Variants in CHD6 observed in about 807,000 individuals in gnomAD.
CHD6 encodes chromodomain helicase DNA binding protein 6.
In CHD6, 50 loss-of-function variants were observed where a neutral mutation model predicts 276.9. The observed-to-expected ratio is 0.18, with a 90% CI of 0.14 to 0.23. The LOEUF is 0.23. CHD6 is among the 10% of genes least tolerant of loss of function. The pLI is 1.00. For synonymous variants in CHD6, 1,173 were observed against 1,229.3 expected (o/e 0.95, Z 0.96); for missense variants, 2,564 against 3,365.8 (o/e 0.76, Z 5.89).
chr20:41,567,916 A>G (rs1319223605), intron 1 of CHD6, among the ~76,000 whole-genome samples: 1 of 152,188 alleles, frequency 6.6e-6, no homozygotes, highest in Non-Finnish European at 1.5e-5. Flanking sequence ...AACTACACAG[A>G]TGTCTACAGC....
chr20:41,461,834 C>T (rs573302933), intron 17 of CHD6: 1 of 152,642 alleles, frequency 6.6e-6, no homozygotes, highest in South Asian at 2.1e-4. Context: ...AGCTGGCAGG[C>T]AAGAGCTTAT....
chr20:41,597,206 G>T (rs2045726942), intron 1 of CHD6, among the ~76,000 whole-genome samples: 1 of 152,004 alleles, frequency 6.6e-6, no homozygotes, highest in Non-Finnish European at 1.5e-5. Flanking sequence ...GGGAGGTCAG[G>T]GATTCTGTTT....
Position 41,441,597 on chromosome 20 carries a change from G to A in CHD6, c.3878-1468C>T, listed in dbSNP as rs555326229. 4.6e-5 allele frequency among the ~76,000 whole-genome samples: 7 copies of A among 152,264 alleles called. No homozygotes were observed. The South Asian group carries it at 8.3e-4, about 18-fold the overall frequency. On this transcript the variant is annotated intron_variant, in intron 25 of 36. Transcript: ENST00000373233. Reference sequence around the variant, plus strand: ...TGTGCTCAGGCATGGAGCAAGCTGCGACCCTCCCTGACCTGGGCAAGCTTC... The same window carrying A: ...TGTGCTCAGGCATGGAGCAAGCTGCAACCCTCCCTGACCTGGGCAAGCTTC...
chr20:41,433,560 C>A (rs2047610480), intron 27 of CHD6, among the ~76,000 whole-genome samples: 2 of 151,982 alleles, frequency 1.3e-5, no homozygotes, highest in Admixed American at 1.3e-4. Flanking sequence ...TGAAGAAAAA[C>A]TAAGAGAACC....
chr20:41,582,876 T>C (rs1193843932), intron 1 of CHD6, among the ~76,000 whole-genome samples: 2 of 152,140 alleles, frequency 1.3e-5, no homozygotes, highest in African/African-American at 4.8e-5. Flanking sequence ...AAGAACACTC[T>C]ACACAGTCAA....
chr20:41,547,037 A>T (rs1264655223), intron 2 of CHD6, among the ~76,000 whole-genome samples: 1 of 152,240 alleles, frequency 6.6e-6, no homozygotes, highest in Non-Finnish European at 1.5e-5. Flanking sequence ...CAAAGAAATG[A>T]GGAATATCAA....
chr20:41,510,204 G>A (rs1203009630), intron 5 of CHD6, among the ~76,000 whole-genome samples: 1 of 152,210 alleles, frequency 6.6e-6, no homozygotes, highest in Non-Finnish European at 1.5e-5. Context: ...CATGTGCCTT[G>A]AGATTGCCTG....
intron 3 of CHD6, among the ~76,000 whole-genome samples, chr20:41,520,233 C>G (rs1437176320): frequency 2.6e-5 from 4 of 152,148 alleles, no homozygotes; most frequent in Non-Finnish European, 5.9e-5. Context: ...GGACTGTAAA[C>G]TAGTTCAACC....
chr20:41,445,705 A>C lies in CHD6; in HGVS notation c.3837T>G (p.Ala1279=). ...CAATGAGAAGTGACTTATCGGCTTCAGCATCCCACCAGTCCACTGGGATCT... is the reference window on the plus strand; with the variant it reads ...CAATGAGAAGTGACTTATCGGCTTCCGCATCCCACCAGTCCACTGGGATCT... ...YMEIPVDWWD[A]EADKSLLIGV... Residue 1279 remains alanine, a synonymous_variant, in exon 25 of 37, where the codon GCT becomes GCG. Transcript: ENST00000373233. The C allele has an allele frequency of 6.2e-7, 1 of 1,613,876 alleles. No homozygotes were observed. The highest frequency in any genetic ancestry group is 8.5e-7 in the Non-Finnish European group (1 of 1,179,784).
Position 41,488,537 on chromosome 20 carries a change from T to A in CHD6, c.1748A>T (p.Asp583Val), listed in dbSNP as rs1313824145. The A allele has an allele frequency of 6.2e-7, 1 of 1,613,976 alleles. No homozygotes were observed. The highest frequency in any genetic ancestry group is 1.7e-5 in the Admixed American group (1 of 60,026). ...VITTFEMILA[D>V]CPELKKIHWS... ...GTGAATCTTCTTCAACTCTGGGCAG[T>A]CTGCTAGGATCATTTCAAATGTTGT... Residue 583 changes from aspartate to valine, a missense_variant, in exon 13 of 37, where the codon GAC becomes GTC. This residue lies in a region of CHD6 where 457 missense variants were observed against 889.0 expected (regional missense o/e 0.51). Transcript: ENST00000373233.
chr20:41,600,684 C>T (rs983553123), intron 1 of CHD6, among the ~76,000 whole-genome samples: 1 of 152,158 alleles, frequency 6.6e-6, no homozygotes, highest in Non-Finnish European at 1.5e-5. Flanking sequence ...TGACTGAACG[C>T]CTAAATACTT....
At chr20:41,482,664 G>A (rs541455631) in intron 16 of CHD6, 13 of 390,994 alleles carry the variant, frequency 3.3e-5, no homozygotes, top group Non-Finnish European at 4.5e-5. Context: ...TCACAATGAC[G>A]GAAAATCTAA....
At chr20:41,544,855 G>GTAAGT in intron 2 of CHD6, among the ~76,000 whole-genome samples, 7 of 151,738 alleles carry the variant, frequency 4.6e-5, no homozygotes, top group Admixed American at 4.6e-4. Context: ...TTAAAATTGT[G>GTAAGT]TCAACTTACA....
chr20:41,472,241 CA>C (rs11360480), intron 17 of CHD6, among the ~76,000 whole-genome samples: 64,724 of 125,780 alleles, frequency 0.51, 16,953 homozygotes, highest in African/African-American at 0.76. Context: ...GACTCTGTCT[CA>C]AAAAAAAAAA....
chr20:41,467,687 T>G (rs190046163), intron 17 of CHD6, among the ~76,000 whole-genome samples: 1 of 147,198 alleles, frequency 6.8e-6, no homozygotes, highest in Admixed American at 6.9e-5. Flanking sequence ...GCTGTCAACA[T>G]AACAAGACCC....
intron 1 of CHD6, among the ~76,000 whole-genome samples, chr20:41,552,363 G>C (rs1200371256): frequency 6.6e-6 from 1 of 152,208 alleles, no homozygotes; most frequent in Non-Finnish European, 1.5e-5. Flanking sequence ...AAATGAATGT[G>C]ATGTGTAGGC....
intron 12 of CHD6, 79 bp downstream of exon 12, chr20:41,489,699 G>A (rs1476645157): frequency 6.4e-7 from 1 of 1,570,644 alleles, no homozygotes; most frequent in African/African-American, 1.4e-5. Flanking sequence ...CAGGGCACTG[G>A]AACTTCTGAA....
At chr20:41,570,174 G>A (rs1406414571) in intron 1 of CHD6, among the ~76,000 whole-genome samples, 2 of 152,158 alleles carry the variant, frequency 1.3e-5, no homozygotes, top group African/African-American at 4.8e-5. Flanking sequence ...CTTTACTGGT[G>A]GCAGTACAAG....
At chr20:41,513,321 TA>T (rs970231481) in intron 4 of CHD6, among the ~76,000 whole-genome samples, 3 of 152,090 alleles carry the variant, frequency 2.0e-5, no homozygotes, top group African/African-American at 7.2e-5. Flanking sequence ...TCTCCTCCAA[TA>T]AAACAAGGAT....
Sources: allele counts gnomAD v4.1 joint callset (sites outside exome capture counted in the v4.1 genomes callset), GRCh38; gene constraint gnomAD v4.1.1; regional missense constraint gnomAD v4.1.1; transcripts MANE v1.5; gene names NCBI Gene and HGNC (gene_info 2026-07-23, HGNC 2026-07-21).